The following TMEM116 variants were observed in gnomAD, a reference collection of about 807,000 sequenced individuals.
TMEM116 encodes the protein transmembrane protein 116.
A neutral mutation model predicts 44.3 loss-of-function variants in TMEM116; 38 were observed. That is an observed-to-expected ratio of 0.86 (90% confidence interval 0.66 to 1.12). TMEM116 has a LOEUF of 1.12. TMEM116 is among the 50% of genes most tolerant of loss of function. The probability of loss-of-function intolerance (pLI) is 0.00; values close to 1 mark genes in which losing one functional copy is unlikely to be tolerated. For missense variants in TMEM116, 354 were observed against 401.7 expected (o/e 0.88, Z 1.01); for synonymous variants, 132 against 144.8 (o/e 0.91, Z 0.64).
intron 4 of TMEM116, among the ~76,000 whole-genome samples, chr12:111,971,000 A>G (rs2075301687): frequency 6.6e-6 from 1 of 152,222 alleles, no homozygotes; most frequent in South Asian, 2.1e-4. Flanking sequence ...CTTGTTGAAA[A>G]CAATGCAAGC....
chr12:111,976,104 G>A (rs1218494900), intron 4 of TMEM116, among the ~76,000 whole-genome samples: 1 of 151,960 alleles, frequency 6.6e-6, no homozygotes, highest in East Asian at 2.0e-4. Flanking sequence ...CGCCTCCTGG[G>A]TTCAAGGGAT....
chr12:112,003,807 G>A lies in TMEM116; in HGVS notation c.71C>T (p.Ser24Phe). The A allele has an allele frequency of 6.6e-7, 1 of 1,512,958 alleles. No homozygotes were observed. Among genetic ancestry groups the A allele is most frequent in the South Asian group, 1.3e-5 (1 of 78,494 alleles). The allele number at this position is 1,512,958 out of a possible 1,614,324, so 93.7% of individuals were successfully genotyped here. A position where few individuals can be genotyped will look rare whatever the true frequency, so the allele number is the denominator to read the frequency against. Reference protein sequence around the residue: ...AYAVFHNIQKSPEIRPLFYLS... With the variant: ...AYAVFHNIQKFPEIRPLFYLS... The stretch of plus-strand genomic sequence containing the variant: ...CAAAGAGAAATCACTCACCTCTGGA[G>A]ATTTCTGTATATTATGGAATACAGC... The change falls in exon 3 of 11, where the codon TCT (serine) becomes TTT (phenylalanine). Residue 24 changes from serine (S) to phenylalanine (F), a missense_variant. By Grantham distance (155) the Ser-to-Phe change is radical. Transcript: ENST00000552374.
At chr12:111,950,080 A>G (rs1375275255) in intron 4 of TMEM116, among the ~76,000 whole-genome samples, 1 of 152,194 alleles carries the variant, frequency 6.6e-6, no homozygotes, top group Non-Finnish European at 1.5e-5. Flanking sequence ...GCACCACTGC[A>G]ATCCAGCCTG....
chr12:111,955,503 T>C (rs2074019724), intron 4 of TMEM116, among the ~76,000 whole-genome samples: 1 of 152,164 alleles, frequency 6.6e-6, no homozygotes, highest in Non-Finnish European at 1.5e-5. Context: ...AAATCTGAGG[T>C]TTGACCATGG....
At chr12:111,938,080 G>A in intron 6 of TMEM116, 81 bp downstream of exon 6, 1 of 850,488 alleles carries the variant, frequency 1.2e-6, no homozygotes, top group South Asian at 2.0e-5. Context: ...GGAAATAAAG[G>A]GCACTGTCCT....
At chr12:111,948,358 G>C (rs1346371364) in intron 4 of TMEM116, among the ~76,000 whole-genome samples, 5 of 152,202 alleles carry the variant, frequency 3.3e-5, no homozygotes, top group Admixed American at 3.3e-4. Context: ...TTAGGGGGAA[G>C]AGGGTTGGGC....
Position 111,931,770 on chromosome 12 carries a change from G to T in TMEM116, c.865C>A (p.His289Asn). The T allele has an allele frequency of 6.3e-7, 1 of 1,599,944 alleles. No homozygotes were observed. Among genetic ancestry groups the T allele is most frequent in the Non-Finnish European group, 8.5e-7 (1 of 1,173,258 alleles). The change falls in exon 11 of 11, where the codon CAC (histidine) becomes AAC (asparagine). Residue 289 changes from histidine to asparagine, a missense_variant. Transcript: ENST00000552374. Reference sequence around the variant, plus strand: ...TCCTGCTTTAGTTGGTGGAATTTGTGCTGCGTCCAGCCATATACTCCACAG... The same window carrying T: ...TCCTGCTTTAGTTGGTGGAATTTGTTCTGCGTCCAGCCATATACTCCACAG... Reference protein sequence around the residue: ...LNCGVYGWTQHKFHQLKQEAR... With the variant: ...LNCGVYGWTQNKFHQLKQEAR...
At chr12:111,981,031 G>A (rs1230467256) in intron 4 of TMEM116, among the ~76,000 whole-genome samples, 1 of 150,108 alleles carries the variant, frequency 6.7e-6, no homozygotes, top group Non-Finnish European at 1.5e-5. Flanking sequence ...CAGTCGTTGT[G>A]CCACTGCTGG....
chr12:111,971,418 G>A (rs2136458945), intron 4 of TMEM116, among the ~76,000 whole-genome samples: 1 of 152,048 alleles, frequency 6.6e-6, no homozygotes, highest in South Asian at 2.1e-4. Flanking sequence ...TATCCTATAT[G>A]TGAAGTGGCA....
In TMEM116 at chr12:111,978,772, C is replaced by T. The variant is rs1310388007; in HGVS notation, c.210+12986G>A. 1.8e-5 allele frequency: 8 copies of T among 443,732 alleles called. No individual in the cohort carries two copies. In the Admixed American group the frequency reaches 1.9e-4, roughly 11 times the overall value. The allele number at this position is 443,732 out of a possible 1,614,324, so 27.5% of individuals were successfully genotyped here. A position where few individuals can be genotyped will look rare whatever the true frequency, so the allele number is the denominator to read the frequency against. ...TCTGCTGATTATCTTAATCTTGGAC[C>T]TTCCAGCCTCCAGAACTGTAAGAAA... is the stretch of plus-strand genomic sequence containing the variant. On this transcript the variant is annotated intron_variant, in intron 4 of 10. Transcript: ENST00000552374.
At chr12:111,937,866 T>C (rs2072289686) in intron 6 of TMEM116, among the ~76,000 whole-genome samples, 2 of 152,216 alleles carry the variant, frequency 1.3e-5, no homozygotes, top group African/African-American at 4.8e-5. Flanking sequence ...TACAACTCTT[T>C]ATGATACAGG....
At chr12:111,974,585 A>T (rs1027308685) in intron 4 of TMEM116, among the ~76,000 whole-genome samples, 4 of 151,346 alleles carry the variant, frequency 2.6e-5, no homozygotes, top group Admixed American at 2.0e-4. Context: ...TTGAACCTAG[A>T]AGAAGGCTGC....
At chr12:112,008,598 A>T (rs2077694900) in intron 1 of TMEM116, among the ~76,000 whole-genome samples, 1 of 152,192 alleles carries the variant, frequency 6.6e-6, no homozygotes, top group Admixed American at 6.5e-5. Context: ...TATCATGAGC[A>T]AGTTACTCAA....
At chr12:111,985,069 A>T (rs2076148814) in intron 4 of TMEM116, among the ~76,000 whole-genome samples, 3 of 152,182 alleles carry the variant, frequency 2.0e-5, no homozygotes, top group Admixed American at 2.0e-4. Context: ...AAGTCATCAT[A>T]CTCAATGATG....
intron 4 of TMEM116, among the ~76,000 whole-genome samples, chr12:111,972,380 A>C (rs2075395542): frequency 2.0e-5 from 3 of 152,194 alleles, no homozygotes; most frequent in Admixed American, 2.0e-4. Context: ...ACAAATCCAC[A>C]ATTATAGTCA....
At chr12:111,939,690 T>C (rs1368700643) in intron 5 of TMEM116, among the ~76,000 whole-genome samples, 1 of 148,358 alleles carries the variant, frequency 6.7e-6, no homozygotes, top group Non-Finnish European at 1.5e-5. Flanking sequence ...TAGCCAGGCA[T>C]GGTGGCACAC....
intron 4 of TMEM116, among the ~76,000 whole-genome samples, chr12:111,953,111 C>T (rs913185665): frequency 1.3e-5 from 2 of 151,990 alleles, no homozygotes; most frequent in Non-Finnish European, 2.9e-5. Context: ...AATGCTGGCC[C>T]AACACTTTGT....
chr12:112,005,840 A>C (rs1199656535), intron 1 of TMEM116: 1 of 890,256 alleles, frequency 1.1e-6, no homozygotes, highest in African/African-American at 1.8e-5. Context: ...TAAAACAGAG[A>C]AACTGAAGAA....
chr12:112,010,498 A>G (rs139941019), intron 1 of TMEM116: 1 of 152,358 alleles, frequency 6.6e-6, no homozygotes, highest in East Asian at 1.9e-4. Context: ...TCCTCTCTGT[A>G]GGCAGGTTGT....
Sources: gnomAD v4.1 joint callset for allele counts (sites outside exome capture counted in the v4.1 genomes callset) on GRCh38, gnomAD v4.1.1 for gene constraint, MANE v1.5 for transcripts, NCBI Gene and HGNC (gene_info 2026-07-23, HGNC 2026-07-21) for gene names.